WDHD1: variants seen among roughly 807,000 people sequenced by gnomAD.
WDHD1 encodes WD repeat and HMG-box DNA-binding protein 1.
In WDHD1, 111 loss-of-function variants were observed where a neutral mutation model predicts 135.4. The ratio of observed to expected loss-of-function variants is 0.82; its 90% CI spans 0.70 to 0.96. The LOEUF (loss-of-function observed/expected upper bound fraction) is 0.96. Ranked by LOEUF, WDHD1 falls within the 40% of genes least tolerant of loss-of-function variation. The probability of loss-of-function intolerance (pLI) is 0.00; values close to 1 mark genes in which losing one functional copy is unlikely to be tolerated. For missense variants in WDHD1, 1,351 were observed against 1,336.3 expected, an observed-to-expected ratio of 1.01 and a Z score of -0.17; for synonymous variants, 434 against 439.0, an observed-to-expected ratio of 0.99 and a Z score of 0.14.
At chr14:55,026,649 A>C (rs941635016) in intron 2 of WDHD1, 62 bp downstream of exon 2, 72 of 1,535,700 alleles carry the variant, frequency 4.7e-5, no homozygotes, top group Middle Eastern at 1.7e-4. Flanking sequence ...CTGCACATAT[A>C]AAGTTTAAGG....
In WDHD1 at chr14:55,013,474, G is replaced by A; in HGVS notation, c.189+11C>T. The A allele has an allele frequency of 1.3e-6, 2 of 1,587,784 alleles. No homozygotes were observed. On this transcript the variant is annotated intron_variant, in intron 3 of 25. Transcript: ENST00000360586. Reference sequence around the variant, plus strand: ...TCATTTCATATCAATTGATATAACTGTTTTTACTACCTTCAAAGCACATGA... The same window carrying A: ...TCATTTCATATCAATTGATATAACTATTTTTACTACCTTCAAAGCACATGA...
intron 5 of WDHD1, 51 bp downstream of exon 5, chr14:55,008,557 T>C (rs773617202): frequency 1.3e-6 from 2 of 1,526,994 alleles, no homozygotes; most frequent in South Asian, 2.5e-5. Flanking sequence ...AGGAAATATA[T>C]TTTTAAACAT....
intron 16 of WDHD1, among the ~76,000 whole-genome samples, chr14:54,976,349 G>A (rs57667631): frequency 0.28 from 42,682 of 151,932 alleles, 6,075 homozygotes; most frequent in South Asian, 0.3. Flanking sequence ...AGCCTCCCGA[G>A]CAGCTGGGAC....
chr14:54,993,353 C>T (rs949034046), intron 11 of WDHD1, among the ~76,000 whole-genome samples: 1 of 152,128 alleles, frequency 6.6e-6, no homozygotes, highest in Non-Finnish European at 1.5e-5. Context: ...CTCCTGGCCT[C>T]AAGCAATCCT....
chr14:54,984,216 C>T (rs997229505), intron 15 of WDHD1, among the ~76,000 whole-genome samples: 2 of 152,240 alleles, frequency 1.3e-5, no homozygotes, highest in South Asian at 2.1e-4. Flanking sequence ...AGCTCTTAGC[C>T]GGGTGCAGTG....
intron 24 of WDHD1, among the ~76,000 whole-genome samples, chr14:54,949,002 C>T (rs567239055): frequency 3.9e-5 from 6 of 152,196 alleles, no homozygotes; most frequent in Admixed American, 2.0e-4. Flanking sequence ...CCCATGTGTA[C>T]GTCACCATCA....
chr14:54,995,765 C>T lies in WDHD1; in HGVS notation c.991G>A (p.Asp331Asn), dbSNP rs143976463. 1.6e-3 allele frequency: 2,565 copies of T among 1,612,254 alleles called. 3 individuals are homozygous for T. Among genetic ancestry groups the T allele is most frequent in the Non-Finnish European group, 1.9e-3 (2,189 of 1,179,240 alleles). Residue 331 changes from aspartate to asparagine, a missense_variant, in exon 11 of 26, where the codon GAT becomes AAT. Around this residue, in one of 2 missense-constraint regions of WDHD1, gnomAD observed 1,330 missense variants for 1,296.1 expected, o/e 1.03. Coordinates refer to ENST00000360586, the MANE Select transcript of WDHD1 (RefSeq NM_007086.4). ...KDYNDLFDGDDMSNAGDFLND... is the reference protein window; with the variant it reads ...KDYNDLFDGDNMSNAGDFLND... ...AGAAAATCACCAGCATTACTCATAT[C>T]ATCTCCATCAAAAAGATCATTATAA...
chr14:54,962,311 G>A (rs562181968), intron 21 of WDHD1, among the ~76,000 whole-genome samples, 187 bp downstream of exon 21: 194 of 152,060 alleles, frequency 1.3e-3, no homozygotes, highest in Non-Finnish European at 1.2e-3. Context: ...CACTCAATAG[G>A]CATTTTATAA....
intron 16 of WDHD1, among the ~76,000 whole-genome samples, chr14:54,973,274 T>C (rs1435629402): frequency 1.3e-5 from 2 of 152,170 alleles, no homozygotes; most frequent in Non-Finnish European, 2.9e-5. Context: ...AGCTAGACCC[T>C]AGGGTTTAAA....
Position 54,963,053 on chromosome 14 carries a change from T to C in WDHD1, c.2430A>G (p.Gln810=). The C allele has an allele frequency of 6.2e-7, 1 of 1,613,994 alleles. No homozygotes were observed. The highest frequency in any genetic ancestry group is 8.5e-7 in the Non-Finnish European group (1 of 1,180,014). ...ASRSRKLILA[Q]KLSELAVEKA... ...TCTCTACAGCCAGTTCACTTAGTTT[T>C]TGAGCCAGTATTAATTTCCGAGAGC... Residue 810 remains glutamine (Q), a synonymous_variant, in exon 19 of 26, where the codon CAA becomes CAG. Transcript: ENST00000360586.
At chr14:54,985,546 G>A (rs2041682530) in intron 14 of WDHD1, among the ~76,000 whole-genome samples, 1 of 152,192 alleles carries the variant, frequency 6.6e-6, no homozygotes, top group Admixed American at 6.5e-5. Flanking sequence ...AGATCACCTT[G>A]ACAGCTATCA....
chr14:54,973,498 C>T (rs1463663661), intron 16 of WDHD1, among the ~76,000 whole-genome samples: 3 of 152,006 alleles, frequency 2.0e-5, no homozygotes, highest in African/African-American at 4.8e-5. Flanking sequence ...TTTATTTCTT[C>T]CTTCTCTCCT....
At chr14:54,999,779 TA>T (rs1374125810) in intron 10 of WDHD1, among the ~76,000 whole-genome samples, 1 of 152,056 alleles carries the variant, frequency 6.6e-6, no homozygotes, top group Non-Finnish European at 1.5e-5. Flanking sequence ...TTTTATTTTT[TA>T]ATTTTTTGTA....
At chr14:55,014,428 G>A (rs1010266446) in intron 2 of WDHD1, among the ~76,000 whole-genome samples, 2 of 152,154 alleles carry the variant, frequency 1.3e-5, no homozygotes, top group African/African-American at 4.8e-5. Context: ...TAAGAAAGAT[G>A]GGTATATAAT....
intron 6 of WDHD1, 21 bp downstream of exon 6, chr14:55,008,295 A>C (rs1218220963): frequency 1.2e-6 from 2 of 1,608,624 alleles, no homozygotes; most frequent in Admixed American, 3.4e-5. Flanking sequence ...AAAAACTTTA[A>C]ATTTAAATTG....
At chr14:55,004,743 G>A (rs1039074332) in intron 7 of WDHD1, 2 of 374,198 alleles carry the variant, frequency 5.3e-6, no homozygotes, top group African/African-American at 2.1e-5. Context: ...GTGAGCCAGC[G>A]AGCCCGACCC....
At chr14:54,996,013 C>A (rs979722823) in intron 10 of WDHD1, among the ~76,000 whole-genome samples, 200 bp from the exon 11 acceptor site, 3 of 152,160 alleles carry the variant, frequency 2.0e-5, no homozygotes, top group African/African-American at 7.2e-5. Flanking sequence ...ATTTCAAATG[C>A]CTTGTAGTCT....
chr14:55,017,492 A>C (rs10148100), intron 2 of WDHD1, among the ~76,000 whole-genome samples: 1 of 151,688 alleles, frequency 6.6e-6, no homozygotes, highest in Non-Finnish European at 1.5e-5. Flanking sequence ...ACAGGCACGC[A>C]CCACCCACAC....
intron 2 of WDHD1, among the ~76,000 whole-genome samples, chr14:55,025,148 A>G (rs2140236645): frequency 7.5e-6 from 1 of 132,880 alleles, no homozygotes; most frequent in East Asian, 2.3e-4. Flanking sequence ...GGGCAGCAAT[A>G]CTGCTTTGTA....
Sources: gnomAD v4.1 joint callset for allele counts (sites outside exome capture counted in the v4.1 genomes callset) on GRCh38, gnomAD v4.1.1 for gene constraint, gnomAD v4.1.1 regional missense constraint, MANE v1.5 for transcripts, NCBI Gene and HGNC (gene_info 2026-07-23, HGNC 2026-07-21) for gene names.